ARHGAP15: variants seen among roughly 807,000 people sequenced by gnomAD.
The protein encoded by ARHGAP15 is Rho GTPase activating protein 15.
In ARHGAP15, 51 loss-of-function variants were observed where a neutral mutation model predicts 63.7. The observed-to-expected ratio is 0.80, with a 90% CI of 0.64 to 1.01. ARHGAP15 has a LOEUF of 1.01. Ranked by LOEUF, ARHGAP15 falls within the 50% of genes least tolerant of loss-of-function variation. ARHGAP15 has a pLI of 0.00. For synonymous variants in ARHGAP15, 191 were observed against 193.8 expected, an observed-to-expected ratio of 0.99 and a Z score of 0.12; for missense variants, 560 against 564.6, an observed-to-expected ratio of 0.99 and a Z score of 0.08.
chr2:143,264,398 A>G (rs72994585), intron 6 of ARHGAP15, among the ~76,000 whole-genome samples: 1,573 of 152,244 alleles, frequency 0.01, 36 homozygotes, highest in African/African-American at 0.036. Flanking sequence ...GGCTGTTAGT[A>G]TAACCTACCA....
At chr2:143,611,396 A>G (rs1698249456) in intron 11 of ARHGAP15, among the ~76,000 whole-genome samples, 1 of 152,200 alleles carries the variant, frequency 6.6e-6, no homozygotes, top group Admixed American at 6.5e-5. Context: ...AACTTCTTGT[A>G]TGAATTCGAG....
intron 13 of ARHGAP15, among the ~76,000 whole-genome samples, chr2:143,755,799 T>C (rs1686554377): frequency 6.6e-6 from 1 of 152,058 alleles, no homozygotes; most frequent in African/African-American, 2.4e-5. Context: ...GGTGAAACCC[T>C]GTCTAAAAAT....
chr2:143,711,075 A>G (rs1684560504), intron 13 of ARHGAP15, among the ~76,000 whole-genome samples: 1 of 152,190 alleles, frequency 6.6e-6, no homozygotes, highest in South Asian at 2.1e-4. Context: ...TTTTATTGAA[A>G]CACACATCTA....
chr2:143,686,679 C>G (rs530068921), intron 12 of ARHGAP15, among the ~76,000 whole-genome samples: 5 of 152,230 alleles, frequency 3.3e-5, no homozygotes, highest in African/African-American at 1.2e-4. Context: ...CACTTTTAAT[C>G]ACAGGGCCAA....
At chr2:143,461,420 A>C (rs1690936006) in intron 8 of ARHGAP15, among the ~76,000 whole-genome samples, 1 of 151,832 alleles carries the variant, frequency 6.6e-6, no homozygotes, top group South Asian at 2.1e-4. Context: ...TGAAGTTGTG[A>C]TGTAGAAACT....
intron 6 of ARHGAP15, among the ~76,000 whole-genome samples, chr2:143,251,190 C>A (rs998658860): frequency 1.3e-5 from 2 of 148,868 alleles, no homozygotes. Flanking sequence ...TAATTTCACA[C>A]GTTACCAAAA....
rs1692253580 is a variant in ARHGAP15 at position 143,484,872 on chromosome 2, T to C, written c.704-2501T>C. Among the ~76,000 whole-genome samples the C allele has an allele frequency of 2.6e-5, 4 of 152,186 alleles. No individual in the cohort carries two copies. The South Asian group carries it at 8.3e-4, about 32-fold the overall frequency. ...TGGCTAGTACATTGGATAGCACAAG[T>C]CTAAAGCAGTGCTTTTCAAACTATT... On this transcript the variant is annotated intron_variant, in intron 8 of 13. Transcript: ENST00000295095.
intron 13 of ARHGAP15, among the ~76,000 whole-genome samples, chr2:143,748,191 A>T (rs1686240016): frequency 6.6e-6 from 1 of 152,242 alleles, no homozygotes; most frequent in African/African-American, 2.4e-5. Flanking sequence ...GTGAATCAGA[A>T]TATAATTCCA....
intron 6 of ARHGAP15, among the ~76,000 whole-genome samples, chr2:143,332,465 C>T (rs974083381): frequency 2.0e-5 from 3 of 151,858 alleles, no homozygotes; most frequent in African/African-American, 4.8e-5. Context: ...TAGGCCTATT[C>T]ACAAATGAAG....
intron 8 of ARHGAP15, among the ~76,000 whole-genome samples, chr2:143,453,720 A>G (rs1690513940): frequency 6.6e-6 from 1 of 151,826 alleles, no homozygotes; most frequent in Admixed American, 6.6e-5. Context: ...TTCCATTTAT[A>G]AAAGTCTTGA....
At chr2:143,490,733 G>T (rs1400434834) in intron 9 of ARHGAP15, among the ~76,000 whole-genome samples, 1 of 152,046 alleles carries the variant, frequency 6.6e-6, no homozygotes, top group Non-Finnish European at 1.5e-5. Context: ...TGATTCTCAT[G>T]CTTCAGCTCC....
chr2:143,500,361 T>C (rs189411931), intron 9 of ARHGAP15, among the ~76,000 whole-genome samples: 5 of 152,110 alleles, frequency 3.3e-5, no homozygotes, highest in African/African-American at 1.2e-4. Flanking sequence ...TATAAGTCCA[T>C]ATAGTATGTA....
intron 13 of ARHGAP15, among the ~76,000 whole-genome samples, chr2:143,718,552 T>G (rs1321799592): frequency 1.3e-5 from 2 of 152,226 alleles, no homozygotes; most frequent in Non-Finnish European, 2.9e-5. Flanking sequence ...TACACTACAT[T>G]ATTGCCCTTG....
At chr2:143,671,092 A>T (rs867685785) in intron 12 of ARHGAP15, among the ~76,000 whole-genome samples, 2 of 152,250 alleles carry the variant, frequency 1.3e-5, no homozygotes, top group Non-Finnish European at 2.9e-5. Context: ...TAAATAACAT[A>T]GTCTATGTAA....
At chr2:143,737,758 ATTTATTTATTTT>A (rs1025247047) in intron 13 of ARHGAP15, among the ~76,000 whole-genome samples, 1 of 137,128 alleles carries the variant, frequency 7.3e-6, no homozygotes, top group Non-Finnish European at 1.6e-5. Flanking sequence ...TTATTTATTT[ATTTATTTATTTT>A]TTGAGATGGA....
At chr2:143,258,643 G>A (rs963907236) in intron 6 of ARHGAP15, among the ~76,000 whole-genome samples, 1 of 152,144 alleles carries the variant, frequency 6.6e-6, no homozygotes, top group Non-Finnish European at 1.5e-5. Context: ...GATGTTGAGA[G>A]GTGGCCTAAG....
chr2:143,604,317 T>C (rs1337049456), intron 11 of ARHGAP15, among the ~76,000 whole-genome samples: 1 of 152,234 alleles, frequency 6.6e-6, no homozygotes, highest in Admixed American at 6.5e-5. Context: ...TTCAGCTGAC[T>C]GGGATCGAAT....
intron 11 of ARHGAP15, among the ~76,000 whole-genome samples, chr2:143,616,400 C>T (rs1031947562): frequency 2.0e-5 from 3 of 152,122 alleles, no homozygotes; most frequent in African/African-American, 7.2e-5. Flanking sequence ...GAGTAGAAGA[C>T]CGTTCCACCT....
At chr2:143,592,991 T>G (rs1231130283) in intron 11 of ARHGAP15, among the ~76,000 whole-genome samples, 2 of 152,234 alleles carry the variant, frequency 1.3e-5, no homozygotes, top group East Asian at 3.8e-4. Context: ...TTTGTTCTAC[T>G]GCTGCTTGAG....
Sources: allele counts gnomAD v4.1 joint callset (sites outside exome capture counted in the v4.1 genomes callset), GRCh38; gene constraint gnomAD v4.1.1; transcripts MANE v1.5; gene names NCBI Gene and HGNC (gene_info 2026-07-23, HGNC 2026-07-21).